The following RAB31 variants were observed in gnomAD, a reference collection of about 807,000 sequenced individuals.
RAB31 encodes the protein RAB31, member RAS oncogene family, also known as ras-related protein Rab-31.
Under a neutral mutation model 25.6 loss-of-function variants are expected in RAB31, and 21 were observed. That is an observed-to-expected ratio of 0.82 (90% confidence interval 0.58 to 1.18). The LOEUF (loss-of-function observed/expected upper bound fraction) is 1.18, where lower values mean the gene tolerates loss of function less well. Ranked by LOEUF, RAB31 falls within the 50% of genes most tolerant of loss-of-function variation. The pLI, the probability that RAB31 is intolerant of heterozygous loss-of-function variation, is 0.00. For missense variants in RAB31, 196 were observed against 250.1 expected (o/e 0.78, Z 1.46); for synonymous variants, 87 against 84.0 (o/e 1.04, Z -0.20).
intron 1 of RAB31, among the ~76,000 whole-genome samples, chr18:9,738,128 G>A (rs191927561): frequency 9.2e-5 from 14 of 152,340 alleles, no homozygotes; most frequent in East Asian, 3.9e-4. Flanking sequence ...ACTTAACGCC[G>A]CCTGGGCCAC....
At chr18:9,823,935 G>A (rs1235243351) in intron 5 of RAB31, among the ~76,000 whole-genome samples, 1 of 152,206 alleles carries the variant, frequency 6.6e-6, no homozygotes, top group African/African-American at 2.4e-5. Flanking sequence ...GGAACCTAGT[G>A]GGCACCGGCT....
intron 3 of RAB31, among the ~76,000 whole-genome samples, chr18:9,801,944 G>C (rs2068515966): frequency 6.6e-6 from 1 of 152,182 alleles, no homozygotes; most frequent in Non-Finnish European, 1.5e-5. Flanking sequence ...ACTATTCTTT[G>C]CCCGATTGTC....
intron 2 of RAB31, among the ~76,000 whole-genome samples, chr18:9,788,923 C>T (rs2068446578): frequency 6.6e-6 from 1 of 152,180 alleles, no homozygotes; most frequent in Non-Finnish European, 1.5e-5. Context: ...TGAGCTGAGA[C>T]TGTGCCACTG....
At chr18:9,844,288 A>G (rs912691677) in intron 5 of RAB31, among the ~76,000 whole-genome samples, 7 of 152,128 alleles carry the variant, frequency 4.6e-5, no homozygotes, top group South Asian at 2.1e-4. Flanking sequence ...CGTGTCATTC[A>G]TTTGCAAATC....
At chr18:9,848,349 C>T (rs934630903) in intron 6 of RAB31, among the ~76,000 whole-genome samples, 4 of 151,802 alleles carry the variant, frequency 2.6e-5, no homozygotes, top group East Asian at 1.9e-4. Flanking sequence ...TCCATCTGTC[C>T]GTCTATCTAT....
chr18:9,754,675 T>A (rs2068252052), intron 1 of RAB31, among the ~76,000 whole-genome samples: 1 of 152,242 alleles, frequency 6.6e-6, no homozygotes, highest in South Asian at 2.1e-4. Flanking sequence ...AATCTAGAGA[T>A]GATTTAAAGT....
At chr18:9,725,883 A>G (rs952897270) in intron 1 of RAB31, 5 of 152,232 alleles carry the variant, frequency 3.3e-5, no homozygotes, top group African/African-American at 7.2e-5. Flanking sequence ...AAAAGGCTCA[A>G]ATGCGTTTAT....
intron 5 of RAB31, among the ~76,000 whole-genome samples, chr18:9,828,440 T>C (rs1029632362): frequency 6.6e-6 from 1 of 152,150 alleles, no homozygotes; most frequent in Admixed American, 6.5e-5. Context: ...TTCTAGTGTC[T>C]TGAGTAAGTG....
chr18:9,770,258 G>A (rs1438734026), intron 1 of RAB31, among the ~76,000 whole-genome samples: 1 of 152,178 alleles, frequency 6.6e-6, no homozygotes, highest in Admixed American at 6.5e-5. Flanking sequence ...GTTTCAAAAG[G>A]AATGTTAGCA....
At chr18:9,821,956 G>A (rs532788243) in intron 5 of RAB31, among the ~76,000 whole-genome samples, 16 of 152,174 alleles carry the variant, frequency 1.1e-4, no homozygotes, top group African/African-American at 3.6e-4. Flanking sequence ...ACATAAATAA[G>A]CCTATTCTAA....
intron 1 of RAB31, among the ~76,000 whole-genome samples, chr18:9,741,783 T>C (rs2068180714): frequency 6.6e-6 from 1 of 152,226 alleles, no homozygotes; most frequent in Admixed American, 6.5e-5. Context: ...AGGCCTGCCA[T>C]TGAGGGTGGA....
intron 5 of RAB31, among the ~76,000 whole-genome samples, chr18:9,842,085 T>G (rs529995901): frequency 1.4e-4 from 22 of 152,118 alleles, no homozygotes; most frequent in African/African-American, 5.3e-4. Flanking sequence ...ATGGAAGAGA[T>G]AGTGAGGGCG....
At chr18:9,733,548 G>A (rs961490752) in intron 1 of RAB31, among the ~76,000 whole-genome samples, 1 of 152,104 alleles carries the variant, frequency 6.6e-6, no homozygotes, top group African/African-American at 2.4e-5. Flanking sequence ...TTAATAGCTC[G>A]GCCTAGAATT....
chr18:9,806,459 T>C (rs549552619), intron 3 of RAB31, among the ~76,000 whole-genome samples: 4 of 151,456 alleles, frequency 2.6e-5, no homozygotes, highest in Admixed American at 1.3e-4. Flanking sequence ...GGGTCCAGGC[T>C]GCTAGAAGGC....
At chr18:9,713,791 C>T (rs796353844) in intron 1 of RAB31, among the ~76,000 whole-genome samples, 18 of 152,296 alleles carry the variant, frequency 1.2e-4, no homozygotes, top group African/African-American at 3.6e-4. Flanking sequence ...AAGACCAAGG[C>T]GCTGGCAGAT....
chr18:9,828,009 GA>G lies in RAB31; in HGVS notation c.380+12790del, dbSNP rs555362943. Among the ~76,000 whole-genome samples the G allele has an allele frequency of 5.3e-5, 8 of 152,288 alleles. No individual in the cohort carries two copies. In the South Asian group the frequency reaches 1.7e-3, roughly 32 times the overall value. On this transcript the variant is annotated intron_variant, in intron 5 of 6. Coordinates refer to ENST00000578921, the MANE Select transcript of RAB31 (RefSeq NM_006868.4). Reference sequence around the variant, plus strand: ...GGTCAGAATCATCTGTTGTGACTAGGAAAGGCATGGGACGACATGCGTCCCA... The same window carrying G: ...GGTCAGAATCATCTGTTGTGACTAGGAAGGCATGGGACGACATGCGTCCCA...
chr18:9,845,790 G>C, intron 6 of RAB31, 99 bp downstream of exon 6: 1 of 1,411,658 alleles, frequency 7.1e-7, no homozygotes, highest in Non-Finnish European at 9.2e-7. Flanking sequence ...CTTTTCCTCT[G>C]TGTGAATTTA....
chr18:9,736,062 C>T (rs1310973424), intron 1 of RAB31, among the ~76,000 whole-genome samples: 1 of 152,058 alleles, frequency 6.6e-6, no homozygotes, highest in Non-Finnish European at 1.5e-5. Context: ...GTCTGGAACT[C>T]CTGGGCTCAC....
intron 1 of RAB31, among the ~76,000 whole-genome samples, chr18:9,732,122 C>G (rs1054808910): frequency 1.3e-4 from 20 of 152,226 alleles, no homozygotes; most frequent in African/African-American, 4.6e-4. Flanking sequence ...ACTCCTCTCC[C>G]CAGGGGCACC....
Sources: allele counts gnomAD v4.1 joint callset (sites outside exome capture counted in the v4.1 genomes callset), GRCh38; gene constraint gnomAD v4.1.1; transcripts MANE v1.5; gene names NCBI Gene and HGNC (gene_info 2026-07-23, HGNC 2026-07-21).